SLC22A3: variants seen among roughly 807,000 people sequenced by gnomAD.
SLC22A3 encodes EMT organic cation transporter 3.
SLC22A3 carries 51 observed loss-of-function variants against 59.1 expected under a neutral mutation model. The observed-to-expected ratio is 0.86, with a 90% CI of 0.69 to 1.09. SLC22A3 has a LOEUF of 1.09. SLC22A3 is among the 50% of genes least tolerant of loss of function. The probability of loss-of-function intolerance (pLI) is 0.00; values close to 1 mark genes in which losing one functional copy is unlikely to be tolerated. For missense variants in SLC22A3, 711 were observed against 726.3 expected, an observed-to-expected ratio of 0.98 and a Z score of 0.24; for synonymous variants, 325 against 292.0, an observed-to-expected ratio of 1.11 and a Z score of -1.15.
intron 5 of SLC22A3, among the ~76,000 whole-genome samples, chr6:160,424,846 T>G (rs937365681): frequency 2.0e-5 from 3 of 152,250 alleles, no homozygotes; most frequent in African/African-American, 7.2e-5. Context: ...TCAGCACAAT[T>G]ATTTTTATGG....
At chr6:160,435,958 G>T (rs1274403509) in intron 5 of SLC22A3, among the ~76,000 whole-genome samples, 1 of 152,126 alleles carries the variant, frequency 6.6e-6, no homozygotes, top group African/African-American at 2.4e-5. Flanking sequence ...TTGTACAGGT[G>T]CTAGGATAGA....
intron 1 of SLC22A3, among the ~76,000 whole-genome samples, chr6:160,357,812 G>A (rs1360589246): frequency 5.3e-5 from 8 of 152,160 alleles, no homozygotes; most frequent in African/African-American, 9.7e-5. Context: ...ATAAATAAAT[G>A]TCCAAGTTAT....
In SLC22A3 at chr6:160,351,709, G is replaced by A. The variant is rs1784666022; in HGVS notation, c.429+2861G>A. 2.0e-5 allele frequency among the ~76,000 whole-genome samples: 3 copies of A among 152,228 alleles called. No homozygotes were observed. The South Asian group carries it at 6.2e-4, about 32-fold the overall frequency. On this transcript the variant is annotated intron_variant, in intron 1 of 10. Coordinates refer to ENST00000275300, the MANE Select transcript of SLC22A3 (RefSeq NM_021977.4). ...TCATGCAAAGGGGTGAATTGGGAGAGTTTACAAAGTGGGCGGGATGACCAG... is the reference window on the plus strand; with the variant it reads ...TCATGCAAAGGGGTGAATTGGGAGAATTTACAAAGTGGGCGGGATGACCAG...
chr6:160,365,016 T>C (rs1583448046), intron 1 of SLC22A3, among the ~76,000 whole-genome samples: 1 of 152,296 alleles, frequency 6.6e-6, no homozygotes, highest in East Asian at 1.9e-4. Context: ...ATAGTAAGTA[T>C]ATTTACATAG....
Position 160,426,416 on chromosome 6 carries a change from G to A in SLC22A3, c.976-10364G>A, listed in dbSNP as rs373908020. ...GGCATCATTGGGCTGTGCAACACTC[G>A]TCTCATGTCCTACTTGATTTTCTTC... On this transcript the variant is annotated intron_variant, in intron 5 of 10. Transcript: ENST00000275300. The A allele has an allele frequency of 8.5e-5, 78 of 917,234 alleles. No individual in the cohort carries two copies. The South Asian group carries it at 2.1e-3, about 25-fold the overall frequency. 56.8% of individuals were successfully genotyped at this position (917,234 alleles called of 1,614,324 possible).
At chr6:160,414,644 G>A (rs775018416) in intron 5 of SLC22A3, among the ~76,000 whole-genome samples, 9 of 152,152 alleles carry the variant, frequency 5.9e-5, no homozygotes, top group African/African-American at 1.4e-4. Context: ...AAGCAAACAC[G>A]TGTTTCCTCA....
rs113898574 is a variant in SLC22A3 at position 160,348,796 on chromosome 6, C to A, written c.377C>A (p.Pro126Gln). The stretch of plus-strand genomic sequence containing the variant: ...CCCAACCGCTCGGCTCCCCTTGTGC[C>A]GTGCCGCGGCGGCTGGCGCTACGCC... The part of the protein sequence containing the change: ...AFPNRSAPLV[P>Q]CRGGWRYAQA... The change falls in exon 1 of 11, where the codon CCG (proline) becomes CAG (glutamine). Residue 126 changes from proline to glutamine, a missense_variant. Physicochemically the swap from Pro to Gln is moderately conservative, Grantham distance 76. Transcript: ENST00000275300. The A allele has an allele frequency of 1.3e-5, 21 of 1,576,228 alleles. No individual in the cohort carries two copies. The highest frequency in any genetic ancestry group is 1.7e-5 in the Non-Finnish European group (20 of 1,169,240).
At chr6:160,426,375 C>T (rs753650058) in intron 5 of SLC22A3, 1 of 983,900 alleles carries the variant, frequency 1.0e-6, no homozygotes, top group African/African-American at 1.7e-5. Flanking sequence ...TTACTTAAGA[C>T]TCTGTGCATG....
At chr6:160,388,269 A>G (rs1786102584) in intron 1 of SLC22A3, among the ~76,000 whole-genome samples, 1 of 152,238 alleles carries the variant, frequency 6.6e-6, no homozygotes, top group Non-Finnish European at 1.5e-5. Context: ...CTAGAAGGTG[A>G]CCAGCAATAC....
intron 1 of SLC22A3, among the ~76,000 whole-genome samples, chr6:160,351,730 A>G (rs1784667082): frequency 6.6e-6 from 1 of 152,212 alleles, no homozygotes; most frequent in South Asian, 2.1e-4. Context: ...GGGCGGGATG[A>G]CCAGACTCCA....
chr6:160,422,030 C>T (rs764744353), intron 5 of SLC22A3, among the ~76,000 whole-genome samples: 4 of 152,262 alleles, frequency 2.6e-5, no homozygotes, highest in Admixed American at 6.5e-5. Context: ...ACTTCCAGAG[C>T]TCTGCGCAGC....
chr6:160,379,343 G>C (rs1785714007), intron 1 of SLC22A3, among the ~76,000 whole-genome samples: 1 of 152,148 alleles, frequency 6.6e-6, no homozygotes, highest in African/African-American at 2.4e-5. Flanking sequence ...AATGCACAAA[G>C]CTGCCCAATA....
At chr6:160,387,271 G>A (rs1365497492) in intron 1 of SLC22A3, among the ~76,000 whole-genome samples, 1 of 152,194 alleles carries the variant, frequency 6.6e-6, no homozygotes, top group Non-Finnish European at 1.5e-5. Context: ...AATAAGTGAA[G>A]AAAGAGTGGT....
intron 5 of SLC22A3, among the ~76,000 whole-genome samples, chr6:160,418,296 A>T (rs1047534847): frequency 6.6e-6 from 1 of 152,204 alleles, no homozygotes; most frequent in African/African-American, 2.4e-5. Flanking sequence ...GCCCCTGGAC[A>T]TCAGACTCCA....
In SLC22A3 at chr6:160,425,659, T is replaced by C. The variant is rs560523445; in HGVS notation, c.976-11121T>C. 2.0e-5 allele frequency among the ~76,000 whole-genome samples: 3 copies of C among 152,314 alleles called. No homozygotes were observed. In the East Asian group the frequency reaches 5.8e-4, roughly 29 times the overall value. ...ACATGCATATAAGACATGTCTTATA[T>C]GCAATGTCTGGAAATCACTACAGTG... is the stretch of plus-strand genomic sequence containing the variant. On this transcript the variant is annotated intron_variant, in intron 5 of 10. Transcript: ENST00000275300.
At position 160,348,666 on chromosome 6, in the gene SLC22A3, C is replaced by A; in HGVS notation, c.247C>A (p.Pro83Thr). 2 of 1,507,024 alleles carry A rather than the reference C, an allele frequency of 1.3e-6. No individual in the cohort carries two copies. Among genetic ancestry groups the A allele is most frequent in the Non-Finnish European group, 1.8e-6 (2 of 1,135,858 alleles). The allele number at this position is 1,507,024 out of a possible 1,614,324, so 93.4% of individuals were successfully genotyped here. ...GGCGCCCGCCTCCCGCGGCCCAGAG[C>A]CCCCCGAGCGCCGCGGCCGCTGCCA... ...RTAPASRGPEPPERRGRCQRY... is the reference protein window; with the variant it reads ...RTAPASRGPETPERRGRCQRY... The change falls in exon 1 of 11, where the codon CCC becomes ACC. Residue 83 changes from proline (P) to threonine (T), a missense_variant. Coordinates refer to ENST00000275300, the MANE Select transcript of SLC22A3 (RefSeq NM_021977.4).
At chr6:160,447,295 A>G (rs2457575) in intron 9 of SLC22A3, among the ~76,000 whole-genome samples, 36,882 of 152,094 alleles carry the variant, frequency 0.24, 5,008 homozygotes, top group East Asian at 0.42. Context: ...AGTAGACACC[A>G]GGACAAGCTT....
intron 10 of SLC22A3, among the ~76,000 whole-genome samples, chr6:160,448,417 G>GAT (rs1241830887): frequency 1.3e-5 from 2 of 152,086 alleles, no homozygotes; most frequent in Non-Finnish European, 2.9e-5. Flanking sequence ...ATAGATAAGT[G>GAT]ATAGTAGATA....
intron 5 of SLC22A3, among the ~76,000 whole-genome samples, chr6:160,433,139 AAAACCAAAAACATTT>A (rs1788213801): frequency 6.6e-6 from 1 of 152,258 alleles, no homozygotes; most frequent in Admixed American, 6.5e-5. Flanking sequence ...TAGAGCTCAC[AAAACCAAAAACATTT>A]AATATATAGC....
Sources: allele counts gnomAD v4.1 joint callset (sites outside exome capture counted in the v4.1 genomes callset), GRCh38; gene constraint gnomAD v4.1.1; transcripts MANE v1.5; gene names NCBI Gene and HGNC (gene_info 2026-07-23, HGNC 2026-07-21).